The following SQOR variants were observed in gnomAD, a reference collection of about 807,000 sequenced individuals.
The protein encoded by SQOR is sulfide:quinone oxidoreductase, mitochondrial.
In SQOR, 39 loss-of-function variants were observed where a neutral mutation model predicts 48.6. That is an observed-to-expected ratio of 0.80 (90% CI 0.62 to 1.05). SQOR has a LOEUF of 1.05. SQOR is among the 50% of genes least tolerant of loss of function. The probability of loss-of-function intolerance (pLI) is 0.00; values close to 1 mark genes in which losing one functional copy is unlikely to be tolerated. For synonymous variants in SQOR, 220 were observed against 206.2 expected, an observed-to-expected ratio of 1.07 and a Z score of -0.57; for missense variants, 561 against 559.9, an observed-to-expected ratio of 1.00 and a Z score of -0.02.
At chr15:45,636,070 C>T (rs1894998759) in intron 1 of SQOR, among the ~76,000 whole-genome samples, 1 of 152,124 alleles carries the variant, frequency 6.6e-6, no homozygotes, top group South Asian at 2.1e-4. Flanking sequence ...CTCAAATGAT[C>T]CGCACACTTC....
chr15:45,661,470 G>T (rs1014627517), intron 2 of SQOR, among the ~76,000 whole-genome samples: 1 of 152,010 alleles, frequency 6.6e-6, no homozygotes, highest in Non-Finnish European at 1.5e-5. Flanking sequence ...GCCCTCACTG[G>T]GCTTGGGAAA....
rs544342451 is a variant in SQOR, at chr15:45,676,054, C to T, written c.655-47C>T. On this transcript the variant is annotated intron_variant, in intron 5 of 9. Transcript: ENST00000260324. ...TTGTCTGGATTAAAAAAAAAAAAGG[C>T]AGCTGCAGTCATGCTTTGGTGTGAA... 8.3e-5 allele frequency: 125 copies of T among 1,499,164 alleles called. No individual in the cohort carries two copies. In the African/African-American group the frequency reaches 1.3e-3, roughly 16 times the overall value. 92.9% of individuals were successfully genotyped at this position (1,499,164 alleles called of 1,614,324 possible).
intron 1 of SQOR, among the ~76,000 whole-genome samples, chr15:45,636,684 G>C (rs1360510998): frequency 6.6e-6 from 1 of 152,138 alleles, no homozygotes; most frequent in East Asian, 1.9e-4. Flanking sequence ...TTACAGGCAT[G>C]AGCCACTGCG....
chr15:45,661,209 GAGGTGGA>G (rs1354728120), intron 2 of SQOR, among the ~76,000 whole-genome samples: 1 of 150,742 alleles, frequency 6.6e-6, no homozygotes, highest in Admixed American at 6.6e-5. Flanking sequence ...CTGAACCTGG[GAGGTGGA>G]GGTTGCAGTG....
chr15:45,676,181 C>G lies in SQOR; in HGVS notation c.735C>G (p.Ala245=). 6.2e-7 allele frequency: 1 copy of G among 1,614,016 alleles called. No individual in the cohort carries two copies. Among genetic ancestry groups the G allele is most frequent in the Non-Finnish European group, 8.5e-7 (1 of 1,180,020 alleles). Residue 245 remains alanine, a synonymous_variant, in exon 6 of 10, where the codon GCC becomes GCG. Transcript: ENST00000260324. Reference sequence around the variant, plus strand: ...TCGGGGTTAAGAAGTATGCAGATGCCCTGCAGGAGATCATCCAGGAGCGGA... The same window carrying G: ...TCGGGGTTAAGAAGTATGCAGATGCGCTGCAGGAGATCATCCAGGAGCGGA... ...AIFGVKKYAD[A]LQEIIQERNL... is the part of the protein sequence containing the mutation.
At chr15:45,645,310 A>T (rs1197020373) in intron 1 of SQOR, among the ~76,000 whole-genome samples, 3 of 152,178 alleles carry the variant, frequency 2.0e-5, no homozygotes, top group Non-Finnish European at 4.4e-5. Flanking sequence ...AGGTATTTCC[A>T]GATTTAGACC....
intron 7 of SQOR, among the ~76,000 whole-genome samples, chr15:45,687,221 C>T (rs1456246703): frequency 6.6e-6 from 1 of 151,618 alleles, no homozygotes; most frequent in Non-Finnish European, 1.5e-5. Context: ...CCGCGATTCT[C>T]CTGCCTCAGC....
At chr15:45,651,005 C>G (rs544282803) in intron 1 of SQOR, among the ~76,000 whole-genome samples, 1 of 152,184 alleles carries the variant, frequency 6.6e-6, no homozygotes, top group African/African-American at 2.4e-5. Flanking sequence ...TCCCGCACCG[C>G]GCACCTGCAC....
In SQOR at chr15:45,659,050, C is replaced by T. The variant is rs1268639979; in HGVS notation, c.127C>T (p.His43Tyr). The change falls in exon 2 of 10, where the codon CAT becomes TAT. Residue 43 changes from histidine to tyrosine, a missense_variant. His to Tyr is a moderately conservative substitution (Grantham distance 83). Transcript: ENST00000260324. ...HTGASHAARN[H>Y]YEVLVLGGGS... Reference sequence around the variant, plus strand: ...CGGGGCCAGCCATGCGGCCAGGAACCATTATGAGGTGCTGGTGCTGGGTGG... The same window carrying T: ...CGGGGCCAGCCATGCGGCCAGGAACTATTATGAGGTGCTGGTGCTGGGTGG... 6.3e-7 allele frequency: 1 copy of T among 1,599,244 alleles called. No homozygotes were observed. The highest frequency in any genetic ancestry group is 8.5e-7 in the Non-Finnish European group (1 of 1,173,360).
At chr15:45,654,652 C>T (rs575337777) in intron 1 of SQOR, among the ~76,000 whole-genome samples, 35 of 152,148 alleles carry the variant, frequency 2.3e-4, no homozygotes, top group Admixed American at 1.2e-3. Flanking sequence ...TATCGTGTTG[C>T]GCCAGGAAAA....
rs757986564 is a variant in SQOR at position 45,652,638 on chromosome 15, C to CTTT, written c.-17-6245_-17-6243dup. On this transcript the variant is annotated intron_variant, in intron 1 of 9. Transcript: ENST00000260324. Reference sequence around the variant, plus strand: ...TTTTGGTATTACAGGCGTGAGCCTCCTTTTTTTTTTTTTTTTTTTTTTTTT... The same window carrying CTTT: ...TTTTGGTATTACAGGCGTGAGCCTCCTTTTTTTTTTTTTTTTTTTTTTTTTTTT... Among the ~76,000 whole-genome samples the CTTT allele has an allele frequency of 7.1e-3, 429 of 60,272 alleles. 114 individuals are homozygous for CTTT. The highest frequency in any genetic ancestry group is 0.018 in the African/African-American group (244 of 13,340). The allele number at this position is 60,272 out of a possible 152,430, so 39.5% of individuals were successfully genotyped here.
intron 9 of SQOR, 142 bp downstream of exon 9, chr15:45,689,359 A>T: frequency 1.5e-6 from 1 of 655,108 alleles, no homozygotes; most frequent in Admixed American, 3.2e-5. Context: ...TTGCTGCTGG[A>T]TAAATAATAA....
At chr15:45,657,511 C>T (rs1889632575) in intron 1 of SQOR, among the ~76,000 whole-genome samples, 1 of 152,114 alleles carries the variant, frequency 6.6e-6, no homozygotes, top group Non-Finnish European at 1.5e-5. Flanking sequence ...TCCTACTTAC[C>T]GTGGGCCTCC....
At chr15:45,684,272 A>G (rs995800877) in intron 7 of SQOR, among the ~76,000 whole-genome samples, 2 of 152,016 alleles carry the variant, frequency 1.3e-5, no homozygotes, top group Non-Finnish European at 2.9e-5. Context: ...CCTTAAATCC[A>G]CCAGCCAGTC....
At chr15:45,688,867 A>G (rs1890269806) in intron 8 of SQOR, among the ~76,000 whole-genome samples, 172 bp from the exon 9 acceptor site, 1 of 152,074 alleles carries the variant, frequency 6.6e-6, no homozygotes, top group Non-Finnish European at 1.5e-5. Context: ...TGTTTTTGCC[A>G]TTAGTACTAT....
chr15:45,660,309 T>G (rs1487645201), intron 2 of SQOR, among the ~76,000 whole-genome samples: 1 of 152,202 alleles, frequency 6.6e-6, no homozygotes, highest in African/African-American at 2.4e-5. Context: ...GGCCATGATT[T>G]GAGAGGAAAC....
At chr15:45,683,534 C>G (rs1890162033) in intron 7 of SQOR, among the ~76,000 whole-genome samples, 1 of 152,176 alleles carries the variant, frequency 6.6e-6, no homozygotes, top group African/African-American at 2.4e-5. Context: ...CAGGAACTGT[C>G]TTCTCTGGAT....
At chr15:45,658,346 T>C (rs1418443632) in intron 1 of SQOR, among the ~76,000 whole-genome samples, 1 of 152,182 alleles carries the variant, frequency 6.6e-6, no homozygotes, top group East Asian at 1.9e-4. Context: ...GGCCTCTGGA[T>C]GGGGGCTGAG....
At chr15:45,668,975 A>T (rs1889888849) in intron 3 of SQOR, among the ~76,000 whole-genome samples, 2 of 152,026 alleles carry the variant, frequency 1.3e-5, no homozygotes, top group African/African-American at 4.8e-5. Flanking sequence ...ATTAAATAAG[A>T]TCAGGTACAC....
Sources: allele counts gnomAD v4.1 joint callset (sites outside exome capture counted in the v4.1 genomes callset), GRCh38; gene constraint gnomAD v4.1.1; transcripts MANE v1.5; gene names NCBI Gene and HGNC (gene_info 2026-07-23, HGNC 2026-07-21).